The following PCDH15 variants were observed in gnomAD, a reference collection of about 807,000 sequenced individuals.
PCDH15 encodes the protein protocadherin-15.
A neutral mutation model predicts 178.5 loss-of-function variants in PCDH15; 129 were observed. That is an observed-to-expected ratio of 0.72 (90% confidence interval 0.63 to 0.84). The LOEUF (loss-of-function observed/expected upper bound fraction) is 0.84, where lower values mean the gene tolerates loss of function less well. PCDH15 is among the 40% of genes least tolerant of loss of function. The probability of loss-of-function intolerance (pLI) is 0.00; values close to 1 mark genes in which losing one functional copy is unlikely to be tolerated. For synonymous variants in PCDH15, 800 were observed against 732.0 expected, an observed-to-expected ratio of 1.09 and a Z score of -1.50; for missense variants, 2,230 against 2,099.9, an observed-to-expected ratio of 1.06 and a Z score of -1.21.
At chr10:55,228,380 C>T (rs1006152999) in intron 1 of PCDH15, among the ~76,000 whole-genome samples, 1 of 151,658 alleles carries the variant, frequency 6.6e-6, no homozygotes, top group Non-Finnish European at 1.5e-5. Flanking sequence ...GAGCTAGGAA[C>T]CAGTATAGGA....
At chr10:54,706,367 T>C (rs563252774) in intron 1 of PCDH15, among the ~76,000 whole-genome samples, 1 of 152,292 alleles carries the variant, frequency 6.6e-6, no homozygotes, top group African/African-American at 2.4e-5. Flanking sequence ...AATGAGTGTA[T>C]TGGGTTTCAT....
chr10:54,888,984 G>A (rs1954411844), intron 3 of PCDH15, among the ~76,000 whole-genome samples: 1 of 151,622 alleles, frequency 6.6e-6, no homozygotes, highest in Admixed American at 6.6e-5. Flanking sequence ...TCCATGAGGT[G>A]CATTTGACAC....
chr10:54,631,232 C>T (rs1213733642), intron 2 of PCDH15, among the ~76,000 whole-genome samples: 1 of 152,108 alleles, frequency 6.6e-6, no homozygotes, highest in Non-Finnish European at 1.5e-5. Context: ...TTCCACTCTG[C>T]CACGTGAGAG....
chr10:54,080,976 G>T (rs1157404242), intron 16 of PCDH15, among the ~76,000 whole-genome samples: 1 of 152,012 alleles, frequency 6.6e-6, no homozygotes, highest in East Asian at 1.9e-4. Flanking sequence ...GAGAAAGAAA[G>T]AAAATTGAGT....
chr10:54,348,380 AGTAC>A (rs1943650351), intron 5 of PCDH15, among the ~76,000 whole-genome samples: 1 of 152,198 alleles, frequency 6.6e-6, no homozygotes, highest in Non-Finnish European at 1.5e-5. Flanking sequence ...TCGTTTAAGT[AGTAC>A]CTATGAGGAC....
chr10:53,891,462 T>C (rs542593685), intron 26 of PCDH15, among the ~76,000 whole-genome samples: 28 of 152,286 alleles, frequency 1.8e-4, no homozygotes, highest in Admixed American at 3.3e-4. Flanking sequence ...CATTTAATCA[T>C]CTGAGAGATA....
chr10:54,779,428 ACATATGTGTATATATATATACACT>A (rs1318387704), intron 1 of PCDH15, among the ~76,000 whole-genome samples: 19 of 124,992 alleles, frequency 1.5e-4, no homozygotes, highest in East Asian at 3.6e-4. Context: ...ATATACACAC[ACATATGTGTATATATATATACACT>A]CATATATGTG....
intron 2 of PCDH15, among the ~76,000 whole-genome samples, chr10:55,582,596 GTATATATATATATA>G (rs56817323): frequency 1.1e-5 from 1 of 90,326 alleles, no homozygotes; most frequent in Non-Finnish European, 2.0e-5. Context: ...ATGTGTATGT[GTATATATATATATA>G]TATATATATA....
chr10:55,067,276 C>A (rs1236454655), intron 2 of PCDH15, among the ~76,000 whole-genome samples: 1 of 151,958 alleles, frequency 6.6e-6, no homozygotes, highest in Non-Finnish European at 1.5e-5. Context: ...ACATTCTACT[C>A]TGTGTGTCCA....
chr10:54,698,136 A>G (rs2095260771), intron 1 of PCDH15, among the ~76,000 whole-genome samples: 1 of 152,130 alleles, frequency 6.6e-6, no homozygotes. Context: ...AAATCATCCA[A>G]ACAGAATTTA....
intron 1 of PCDH15, among the ~76,000 whole-genome samples, chr10:55,280,256 G>T (rs79953407): frequency 0.024 from 3,617 of 148,662 alleles, 150 homozygotes; most frequent in African/African-American, 0.085. Context: ...GAAAGGATGG[G>T]GTTATTTTGA....
intron 1 of PCDH15, among the ~76,000 whole-genome samples, chr10:55,224,012 G>A (rs904064518): frequency 2.6e-5 from 4 of 152,016 alleles, no homozygotes; most frequent in African/African-American, 9.7e-5. Flanking sequence ...AGCACTTTGG[G>A]AGGCTAAGGC....
At chr10:55,513,042 T>C (rs1840923419) in intron 2 of PCDH15, 1 of 152,152 alleles carries the variant, frequency 6.6e-6, no homozygotes, top group Admixed American at 6.6e-5. Context: ...CTTTGGTGAT[T>C]AATTGATTGA....
chr10:54,498,783 C>G (rs2080365995), intron 3 of PCDH15, among the ~76,000 whole-genome samples: 1 of 152,056 alleles, frequency 6.6e-6, no homozygotes, highest in Admixed American at 6.6e-5. Context: ...AAAGAAATAC[C>G]TGAAACTGGG....
At chr10:54,952,107 A>G (rs1358915185) in intron 2 of PCDH15, among the ~76,000 whole-genome samples, 1 of 151,842 alleles carries the variant, frequency 6.6e-6, no homozygotes, top group Non-Finnish European at 1.5e-5. Context: ...CTAAAAAGCC[A>G]TTGTAAAACC....
At chr10:55,619,062 G>T (rs1238624707) in intron 2 of PCDH15, among the ~76,000 whole-genome samples, 4 of 151,984 alleles carry the variant, frequency 2.6e-5, no homozygotes, top group Non-Finnish European at 5.9e-5. Context: ...TACTGTGAAG[G>T]TGAAACTTTC....
chr10:55,334,290 G>GTATA (rs1844311458), intron 2 of PCDH15, among the ~76,000 whole-genome samples: 5 of 126,550 alleles, frequency 4.0e-5, no homozygotes, highest in African/African-American at 6.8e-5. Flanking sequence ...GTGTGTATGT[G>GTATA]TATATATCTA....
At chr10:54,315,019 G>T (rs1450789701) in intron 8 of PCDH15, among the ~76,000 whole-genome samples, 2 of 152,072 alleles carry the variant, frequency 1.3e-5, no homozygotes, top group Non-Finnish European at 2.9e-5. Context: ...TGTCTTTATG[G>T]CAGAATGATT....
intron 9 of PCDH15, among the ~76,000 whole-genome samples, chr10:54,230,471 T>TA (rs1367676512): frequency 2.0e-5 from 3 of 152,136 alleles, no homozygotes; most frequent in Non-Finnish European, 4.4e-5. Flanking sequence ...AAATATGAAA[T>TA]ACACAATAGA....
Sources: gnomAD v4.1 joint callset for allele counts (sites outside exome capture counted in the v4.1 genomes callset) on GRCh38, gnomAD v4.1.1 for gene constraint, MANE v1.5 for transcripts, NCBI Gene and HGNC (gene_info 2026-07-23, HGNC 2026-07-21) for gene names.